CREB3L1: variants seen among roughly 807,000 people sequenced by gnomAD.
CREB3L1 encodes cAMP responsive element binding protein 3 like 1.
CREB3L1 carries 33 observed loss-of-function variants against 54.5 expected under a neutral mutation model. That is an observed-to-expected ratio of 0.61 (90% CI 0.46 to 0.81). The LOEUF (loss-of-function observed/expected upper bound fraction) is 0.81. CREB3L1 is among the 30% of genes least tolerant of loss of function. The pLI, the probability that CREB3L1 is intolerant of heterozygous loss-of-function variation, is 0.00. For synonymous variants in CREB3L1, 284 were observed against 286.4 expected, an observed-to-expected ratio of 0.99 and a Z score of 0.08; for missense variants, 656 against 673.3, an observed-to-expected ratio of 0.97 and a Z score of 0.29.
chr11:46,307,573 C>T (rs1480385882), intron 2 of CREB3L1, among the ~76,000 whole-genome samples: 7 of 152,168 alleles, frequency 4.6e-5, no homozygotes, highest in Admixed American at 4.6e-4. Context: ...ACACACACAG[C>T]CAATCAAGAG....
chr11:46,278,212 C>T lies in CREB3L1; in HGVS notation c.101C>T (p.Ala34Val). ...AACGAGTCGGACTTCCTCAACAATG[C>T]GGTAAGATGAAGGGTCTCCGTTCCC... ...DLNESDFLNN[A>V]HFPEHLDHFT... Residue 34 changes from alanine (A) to valine (V), a missense_variant and splice_region_variant, in exon 1 of 12, where the codon GCG becomes GTG. Transcript: ENST00000621158. This position sits in a 1 kb window ranked among gnomAD's most constrained non-coding sequence, Gnocchi z 4.2. The T allele has an allele frequency of 1.9e-6, 3 of 1,554,922 alleles. No homozygotes were observed. The highest frequency in any genetic ancestry group is 2.6e-6 in the Non-Finnish European group (3 of 1,147,290).
chr11:46,289,652 A>T (rs929501113), intron 1 of CREB3L1, among the ~76,000 whole-genome samples: 1 of 152,212 alleles, frequency 6.6e-6, no homozygotes, highest in African/African-American at 2.4e-5. Flanking sequence ...CACTGCAGGC[A>T]CCAGGAGAGG....
chr11:46,278,379 TG>T lies in CREB3L1; in HGVS notation c.102+171del, dbSNP rs879176416. On this transcript the variant is annotated intron_variant, in intron 1 of 11. Transcript: ENST00000621158. The surrounding 1 kb of genome is among the most constrained non-coding windows in gnomAD (Gnocchi z 4.2). ...TGTGTTTGGAGCTAAGCGCCCCTCC[TG>T]GGGGCTCAATCTTTGAATACACTGG... 5.3e-5 allele frequency among the ~76,000 whole-genome samples: 8 copies of T among 152,172 alleles called. No homozygotes were observed. The South Asian group carries it at 1.7e-3, about 31-fold the overall frequency.
At chr11:46,292,389 G>A (rs1939142902) in intron 1 of CREB3L1, among the ~76,000 whole-genome samples, 1 of 152,196 alleles carries the variant, frequency 6.6e-6, no homozygotes, top group Non-Finnish European at 1.5e-5. Context: ...CATCCAGTCA[G>A]TCAGTCACTC....
In CREB3L1 at chr11:46,307,991, C is replaced by T. The variant is rs1177680469; in HGVS notation, c.507C>T (p.Ile169=). 1.9e-6 allele frequency: 3 copies of T among 1,544,988 alleles called. No individual in the cohort carries two copies. Among genetic ancestry groups the T allele is most frequent in the Non-Finnish European group, 1.7e-6 (2 of 1,146,896 alleles). The change falls in exon 3 of 12, where the codon ATC becomes ATT. Residue 169 remains isoleucine, a synonymous_variant. Coordinates refer to ENST00000621158, the MANE Select transcript of CREB3L1 (RefSeq NM_052854.4). ...LGLSPLSRLP[I]PHQAPGEMTQ... ...TCAGCCCCTTGTCCAGGCTGCCCAT[C>T]CCCCACCAGGTGAGCCTGGGAACTG...
chr11:46,316,614 T>C (rs1369700646), intron 9 of CREB3L1, among the ~76,000 whole-genome samples: 1 of 152,066 alleles, frequency 6.6e-6, no homozygotes, highest in Non-Finnish European at 1.5e-5. Context: ...ACAGTGTAGA[T>C]GTGTAGGTGA....
chr11:46,284,246 G>A (rs532017345), intron 1 of CREB3L1, among the ~76,000 whole-genome samples: 1 of 152,282 alleles, frequency 6.6e-6, no homozygotes, highest in Non-Finnish European at 1.5e-5. Flanking sequence ...TGATGGAGCA[G>A]AGCATGGCAG....
chr11:46,290,647 C>T (rs1219915886), intron 1 of CREB3L1, among the ~76,000 whole-genome samples: 1 of 151,944 alleles, frequency 6.6e-6, no homozygotes, highest in African/African-American at 2.4e-5. Context: ...CTCTGACAAT[C>T]CCTTCAGAGG....
At chr11:46,317,561 C>G in intron 10 of CREB3L1, 74 bp downstream of exon 10, 1 of 1,573,046 alleles carries the variant, frequency 6.4e-7, no homozygotes, top group Non-Finnish European at 8.6e-7. Context: ...CAGGCAGAAG[C>G]CAGACATAAG....
At chr11:46,281,846 C>CAGGAAAG (rs1938980221) in intron 1 of CREB3L1, among the ~76,000 whole-genome samples, 1 of 152,130 alleles carries the variant, frequency 6.6e-6, no homozygotes, top group South Asian at 2.1e-4. Flanking sequence ...TTCTCACCAA[C>CAGGAAAG]AGGAAAGAGG....
chr11:46,300,861 C>CGGG (rs1566185744), intron 2 of CREB3L1, among the ~76,000 whole-genome samples: 3 of 151,886 alleles, frequency 2.0e-5, no homozygotes, highest in African/African-American at 7.3e-5. Flanking sequence ...AAAAATTACC[C>CGGG]GGGGGTGGTG....
chr11:46,293,559 G>A (rs755377947), intron 1 of CREB3L1, among the ~76,000 whole-genome samples: 2 of 152,238 alleles, frequency 1.3e-5, no homozygotes, highest in African/African-American at 4.8e-5. Context: ...CCTTGAAGTA[G>A]CCCGCGGCTG....
chr11:46,287,620 A>C (rs1939073178), intron 1 of CREB3L1, among the ~76,000 whole-genome samples: 1 of 152,132 alleles, frequency 6.6e-6, no homozygotes, highest in African/African-American at 2.4e-5. Flanking sequence ...TTTTGTGGGT[A>C]CATAGTAGGT....
intron 1 of CREB3L1, among the ~76,000 whole-genome samples, chr11:46,291,015 A>G (rs1222653629): frequency 6.6e-6 from 1 of 152,112 alleles, no homozygotes; most frequent in Non-Finnish European, 1.5e-5. Context: ...ACCCTCAGTG[A>G]GCAAGAAAGA....
intron 1 of CREB3L1, among the ~76,000 whole-genome samples, chr11:46,296,725 G>T (rs1003249342): frequency 6.6e-6 from 1 of 152,170 alleles, no homozygotes; most frequent in African/African-American, 2.4e-5. Flanking sequence ...GGACCTGGGC[G>T]TCGGAGTGTC....
chr11:46,307,714 C>A, intron 2 of CREB3L1, 102 bp from the exon 3 acceptor site: 1 of 1,019,462 alleles, frequency 9.8e-7, no homozygotes, highest in Non-Finnish European at 1.4e-6. Flanking sequence ...CCTGGTCTAC[C>A]CTAACAGCTC....
chr11:46,321,047 T>C lies in CREB3L1; in HGVS notation c.*301T>C, dbSNP rs1322802158. 42 of 590,880 alleles carry C rather than the reference T, an allele frequency of 7.1e-5. No individual in the cohort carries two copies. In the South Asian group the frequency reaches 7.2e-4, roughly 10 times the overall value. The allele number at this position is 590,880 out of a possible 1,614,324, so 36.6% of individuals were successfully genotyped here. A position where few individuals can be genotyped will look rare whatever the true frequency, so the allele number is the denominator to read the frequency against. ...ACCACTGCCTCCCTGCCCCCACACCTGCACCCAAACAGACACATCAACGCA... is the reference window on the plus strand; with the variant it reads ...ACCACTGCCTCCCTGCCCCCACACCCGCACCCAAACAGACACATCAACGCA... On this transcript the variant is annotated 3_prime_UTR_variant, in exon 12 of 12. Transcript: ENST00000621158.
chr11:46,291,006 C>T (rs1939122034), intron 1 of CREB3L1, among the ~76,000 whole-genome samples: 1 of 152,130 alleles, frequency 6.6e-6, no homozygotes, highest in Non-Finnish European at 1.5e-5. Flanking sequence ...AGACCCCTGA[C>T]CCTCAGTGAG....
intron 3 of CREB3L1, 36 bp from the exon 4 acceptor site, chr11:46,309,953 G>A: frequency 1.3e-6 from 2 of 1,541,270 alleles, no homozygotes; most frequent in South Asian, 2.4e-5. Context: ...ACAGACCCAG[G>A]GGCAGCTAAT....
Sources: gnomAD v4.1 joint callset for allele counts (sites outside exome capture counted in the v4.1 genomes callset) on GRCh38, gnomAD v4.1.1 for gene constraint, Gnocchi (gnomAD v3.1) non-coding constraint, MANE v1.5 for transcripts, NCBI Gene and HGNC (gene_info 2026-07-23, HGNC 2026-07-21) for gene names.